CUBN: variants seen among roughly 807,000 people sequenced by gnomAD.
The protein encoded by CUBN is 460 kDa receptor.
Under a neutral mutation model 405.3 loss-of-function variants are expected in CUBN, and 282 were observed. That is an observed-to-expected ratio of 0.70 (90% CI 0.63 to 0.77). The LOEUF is 0.77. Among genes scored for constraint, CUBN ranks in the 30% least tolerant of loss-of-function variants. CUBN has a pLI of 0.00. For missense variants in CUBN, 4,514 were observed against 4,475.2 expected (o/e 1.01, Z -0.25); for synonymous variants, 1,684 against 1,617.0 (o/e 1.04, Z -0.99).
intron 37 of CUBN, among the ~76,000 whole-genome samples, chr10:16,939,716 T>C (rs1308299160): frequency 6.6e-6 from 1 of 152,132 alleles, no homozygotes; most frequent in African/African-American, 2.4e-5. Flanking sequence ...ACACTTGATA[T>C]AAATACACCA....
At chr10:16,898,570 T>A (rs1428214198) in intron 54 of CUBN, among the ~76,000 whole-genome samples, 3 of 152,196 alleles carry the variant, frequency 2.0e-5, no homozygotes, top group Non-Finnish European at 2.9e-5. Context: ...GACAAGCCAC[T>A]GCCACACGAG....
chr10:16,877,424 A>G (rs764230220), intron 56 of CUBN, among the ~76,000 whole-genome samples: 16 of 152,124 alleles, frequency 1.1e-4, no homozygotes, highest in Non-Finnish European at 2.1e-4. Context: ...ACCTGGCACT[A>G]TCTGAAGGCA....
intron 28 of CUBN, among the ~76,000 whole-genome samples, chr10:17,013,536 G>A (rs996597298): frequency 3.9e-5 from 6 of 152,126 alleles, no homozygotes; most frequent in African/African-American, 1.2e-4. Flanking sequence ...GGCTTCAGCA[G>A]TGTAAGACTG....
intron 36 of CUBN, among the ~76,000 whole-genome samples, chr10:16,945,255 C>T (rs1267163765): frequency 1.3e-5 from 2 of 151,902 alleles, no homozygotes; most frequent in African/African-American, 2.4e-5. Context: ...TAAAGCTGTG[C>T]GAAGGGCTTT....
intron 48 of CUBN, among the ~76,000 whole-genome samples, chr10:16,908,848 A>G (rs181053368): frequency 3.9e-4 from 59 of 150,088 alleles, no homozygotes; most frequent in Non-Finnish European, 7.7e-4. Flanking sequence ...AGGAGAATGC[A>G]CTCCACAACA....
intron 36 of CUBN, 33 bp downstream of exon 36, chr10:16,947,202 C>A: frequency 2.5e-6 from 4 of 1,611,190 alleles, no homozygotes; most frequent in Non-Finnish European, 3.4e-6. Context: ...GATTCATTAG[C>A]ACTGAAACAA....
chr10:17,092,248 C>T (rs1333257827), intron 14 of CUBN, among the ~76,000 whole-genome samples: 2 of 152,098 alleles, frequency 1.3e-5, no homozygotes, highest in Non-Finnish European at 2.9e-5. Flanking sequence ...AATAGTTAGG[C>T]AGGAATATCA....
chr10:17,014,014 T>G (rs1834258417), intron 28 of CUBN, among the ~76,000 whole-genome samples: 1 of 152,192 alleles, frequency 6.6e-6, no homozygotes, highest in African/African-American at 2.4e-5. Flanking sequence ...GGGCCGTGCA[T>G]GTACGTATCT....
intron 54 of CUBN, among the ~76,000 whole-genome samples, chr10:16,893,599 A>G (rs1006102630): frequency 7.9e-5 from 12 of 152,184 alleles, no homozygotes; most frequent in Non-Finnish European, 1.2e-4. Context: ...ATTTCAAAAT[A>G]TTATATAAAT....
Position 16,835,141 on chromosome 10 carries a change from G to A in CUBN, c.10235C>T (p.Pro3412Leu), listed in dbSNP as rs556303931. The A allele has an allele frequency of 1.7e-5, 28 of 1,614,104 alleles. No homozygotes were observed. Among genetic ancestry groups the A allele is most frequent in the African/African-American group, 6.7e-5 (5 of 75,026 alleles). ...AFGNLRSPGW[P>L]DNYDNDKDCT... ...ATCCTTGTCATTGTCGTAGTTATCTGGCCATCCAGGGCTTCTCAGGTTGCC... is the reference window on the plus strand; with the variant it reads ...ATCCTTGTCATTGTCGTAGTTATCTAGCCATCCAGGGCTTCTCAGGTTGCC... The change falls in exon 64 of 67, where the codon CCA (proline) becomes CTA (leucine). Residue 3412 changes from proline to leucine, a missense_variant. Physicochemically the swap from Pro to Leu is moderately conservative, Grantham distance 98. Coordinates refer to ENST00000377833, the MANE Select transcript of CUBN (RefSeq NM_001081.4).
At chr10:17,125,057 C>A (rs1274589223) in intron 4 of CUBN, among the ~76,000 whole-genome samples, 1 of 151,840 alleles carries the variant, frequency 6.6e-6, no homozygotes, top group Admixed American at 6.6e-5. Flanking sequence ...ATCTCAAACT[C>A]CCGACCTCAC....
At chr10:17,118,452 G>A (rs1042043061) in intron 6 of CUBN, among the ~76,000 whole-genome samples, 5 of 151,976 alleles carry the variant, frequency 3.3e-5, no homozygotes, top group East Asian at 1.9e-4. Flanking sequence ...GTTTTGTTTC[G>A]TTTTGTTTTG....
Position 17,100,067 on chromosome 10 carries a change from A to G in CUBN, c.1703T>C (p.Leu568Pro). ...CCCATTTCTTAAATGTTCAGAATAG[A>G]GATGAAAATAGAGAGCATTGTCACT... The part of the protein sequence containing the change: ...LSSDNALYFH[L>P]YSEHLRNGRG... The change falls in exon 14 of 67, where the codon CTC becomes CCC. Residue 568 changes from leucine to proline, a missense_variant. Leu to Pro is a moderately conservative substitution (Grantham distance 98). Transcript: ENST00000377833. The G allele has an allele frequency of 1.2e-6, 2 of 1,613,986 alleles. No homozygotes were observed. The highest frequency in any genetic ancestry group is 1.7e-6 in the Non-Finnish European group (2 of 1,179,946).
At chr10:16,973,228 GC>G (rs1449551874) in intron 31 of CUBN, among the ~76,000 whole-genome samples, 2 of 152,134 alleles carry the variant, frequency 1.3e-5, no homozygotes, top group East Asian at 3.9e-4. Context: ...TTCCCTTGCA[GC>G]CTCCCCTCGT....
intron 22 of CUBN, among the ~76,000 whole-genome samples, chr10:17,061,758 G>A (rs1448456790): frequency 3.3e-5 from 5 of 152,134 alleles, no homozygotes; most frequent in African/African-American, 9.7e-5. Context: ...GAAGGTTTTC[G>A]CTTTGCAGGA....
chr10:16,851,247 A>C lies in CUBN; in HGVS notation c.9651T>G (p.Tyr3217Ter). 1.9e-6 allele frequency: 3 copies of C among 1,612,352 alleles called. No individual in the cohort carries two copies. The highest frequency in any genetic ancestry group is 2.5e-6 in the Non-Finnish European group (3 of 1,178,422). ...AAAACAGCCTTACCTTTACATAATC[A>C]TAAAGGCATCTTTGCCTAGTACTTG... ...EAASTRQRCL[Y>*]DYVKLYDGDS... Residue 3217 changes from tyrosine (Y) to a stop codon, truncating the protein, a stop_gained, in exon 60 of 67, where the codon TAT (tyrosine) becomes TAG (stop). Transcript: ENST00000377833. LOFTEE classifies it high-confidence loss of function.
chr10:16,961,150 C>A (rs1006986462), intron 31 of CUBN, among the ~76,000 whole-genome samples: 1 of 151,732 alleles, frequency 6.6e-6, no homozygotes, highest in South Asian at 2.1e-4. Flanking sequence ...CAGCTCACTG[C>A]AGCCTTGACC....
At chr10:17,079,078 C>T (rs1441327026) in intron 17 of CUBN, among the ~76,000 whole-genome samples, 1 of 152,084 alleles carries the variant, frequency 6.6e-6, no homozygotes, top group Non-Finnish European at 1.5e-5. Flanking sequence ...AATTATTTCA[C>T]TAGAGGAATG....
In CUBN at chr10:16,951,086, T is replaced by A. The variant is rs555564850; in HGVS notation, c.4970-975A>T. Among the ~76,000 whole-genome samples, 196 of 152,354 alleles carry A rather than the reference T, an allele frequency of 1.3e-3. 1 individual carries two copies. The highest frequency in any genetic ancestry group is 4.5e-3 in the African/African-American group (188 of 41,588). On this transcript the variant is annotated intron_variant, in intron 33 of 66. Coordinates refer to ENST00000377833, the MANE Select transcript of CUBN (RefSeq NM_001081.4). ...CCCTAATCTTCAGAATAGGATCTTT[T>A]CCTATTGCTGTTCTTGAACCAGTGA...
Sources: gnomAD v4.1 joint callset for allele counts (sites outside exome capture counted in the v4.1 genomes callset) on GRCh38, gnomAD v4.1.1 for gene constraint, MANE v1.5 for transcripts, NCBI Gene and HGNC (gene_info 2026-07-23, HGNC 2026-07-21) for gene names.